The following ADAP1 variants were observed in gnomAD, a reference collection of about 807,000 sequenced individuals.
The protein encoded by ADAP1 is ArfGAP with dual PH domains 1.
Under a neutral mutation model 54.9 loss-of-function variants are expected in ADAP1, and 31 were observed. The ratio of observed to expected loss-of-function variants is 0.56; its 90% CI spans 0.42 to 0.76. The LOEUF is 0.76. ADAP1 is among the 30% of genes least tolerant of loss of function. The pLI, the probability that ADAP1 is intolerant of heterozygous loss-of-function variation, is 0.00. For missense variants in ADAP1, 535 were observed against 512.4 expected, an observed-to-expected ratio of 1.04 and a Z score of -0.42; for synonymous variants, 313 against 202.6, an observed-to-expected ratio of 1.55 and a Z score of -4.63.
intron 6 of ADAP1, among the ~76,000 whole-genome samples, chr7:902,594 C>T (rs1844876612): frequency 2.0e-5 from 3 of 150,988 alleles, no homozygotes; most frequent in Admixed American, 2.0e-4. Context: ...AAGAAATTTC[C>T]CAGAAAGTAG....
intron 7 of ADAP1, 140 bp downstream of exon 7, chr7:900,393 A>C: frequency 9.9e-7 from 1 of 1,009,312 alleles, no homozygotes; most frequent in East Asian, 2.6e-5. Flanking sequence ...GGCTGCAGGC[A>C]CGTCAGGGTG....
chr7:905,882 GAGAAAGGA>G (rs1845246501), intron 4 of ADAP1, among the ~76,000 whole-genome samples: 12 of 16,262 alleles, frequency 7.4e-4, no homozygotes, highest in East Asian at 3.4e-3. Flanking sequence ...AGGGAGAAAG[GAGAAAGGA>G]GAAAGGAGAA....
intron 6 of ADAP1, chr7:901,320 ACCTGCGC>A (rs1844801575): frequency 3.8e-6 from 1 of 263,406 alleles, no homozygotes; most frequent in Non-Finnish European, 7.6e-6. Flanking sequence ...TGACATTATA[ACCTGCGC>A]CCTGGGCCTC....
intron 4 of ADAP1, among the ~76,000 whole-genome samples, chr7:912,601 C>A (rs1845769374): frequency 6.6e-6 from 1 of 152,242 alleles, no homozygotes; most frequent in African/African-American, 2.4e-5. Context: ...CCTTTGTCGT[C>A]AAAGAGCATC....
chr7:930,105 A>C (rs1846520161), intron 2 of ADAP1, among the ~76,000 whole-genome samples: 1 of 143,970 alleles, frequency 6.9e-6, no homozygotes. Flanking sequence ...CTGTCTCAAA[A>C]AAAAAAAAAA....
intron 3 of ADAP1, among the ~76,000 whole-genome samples, chr7:921,771 A>C (rs1846200674): frequency 6.6e-6 from 1 of 152,224 alleles, no homozygotes; most frequent in South Asian, 2.1e-4. Flanking sequence ...AGGGTCACAC[A>C]GCGGCCTCTC....
At position 905,204 on chromosome 7, in the gene ADAP1, A is replaced by T. The variant is rs748121054; in HGVS notation, c.389-32T>A. The T allele has an allele frequency of 5.1e-6, 8 of 1,554,812 alleles. No individual in the cohort carries two copies. In the African/African-American group the frequency reaches 9.9e-5, roughly 19 times the overall value. On this transcript the variant is annotated intron_variant, in intron 4 of 10. Transcript: ENST00000265846. ...GGGAAAGGGGACACGAGTCGGTGAC[A>T]GTGGATGGGGGGGAGGAAACAAAAG...
chr7:913,892 A>G (rs1845826821), intron 4 of ADAP1, among the ~76,000 whole-genome samples: 1 of 152,170 alleles, frequency 6.6e-6, no homozygotes, highest in Non-Finnish European at 1.5e-5. Context: ...CTGAGACCGC[A>G]CCATTGCACC....
intron 5 of ADAP1, 151 bp from the exon 6 acceptor site, chr7:904,423 G>T: frequency 2.1e-6 from 2 of 964,548 alleles, no homozygotes; most frequent in Non-Finnish European, 2.9e-6. Flanking sequence ...TTGGCCTCCC[G>T]GTCTGTAAGC....
At chr7:904,463 T>G (rs1016649652) in intron 5 of ADAP1, among the ~76,000 whole-genome samples, 191 bp from the exon 6 acceptor site, 2 of 151,802 alleles carry the variant, frequency 1.3e-5, no homozygotes, top group Non-Finnish European at 2.9e-5. Context: ...CTCCCAGGAG[T>G]GATGGGGACC....
intron 10 of ADAP1, 34 bp from the exon 11 acceptor site, chr7:898,983 G>T (rs201298908): frequency 2.5e-6 from 4 of 1,610,270 alleles, no homozygotes; most frequent in African/African-American, 2.7e-5. Flanking sequence ...TTGTCACAGC[G>T]GCGGGGAGCT....
intron 1 of ADAP1, among the ~76,000 whole-genome samples, chr7:940,807 G>C (rs1472804834): frequency 6.6e-6 from 1 of 152,152 alleles, no homozygotes; most frequent in Non-Finnish European, 1.5e-5. Flanking sequence ...GTAATGCAAG[G>C]TTGGTTTAAC....
intron 6 of ADAP1, among the ~76,000 whole-genome samples, chr7:902,082 C>T (rs1317802750): frequency 1.3e-5 from 2 of 152,016 alleles, no homozygotes; most frequent in Non-Finnish European, 2.9e-5. Flanking sequence ...AGCGTCTGCC[C>T]TGGGCGGGGG....
chr7:913,826 T>A (rs181898329), intron 4 of ADAP1, among the ~76,000 whole-genome samples: 4 of 152,126 alleles, frequency 2.6e-5, no homozygotes, highest in Admixed American at 2.6e-4. Context: ...TCCCAGCTAC[T>A]CAGGATGCTG....
rs1391857343 is a variant in ADAP1 at position 946,072 on chromosome 7, G to C, written c.82+8324C>G. On this transcript the variant is annotated intron_variant, in intron 1 of 10. Coordinates refer to ENST00000265846, the MANE Select transcript of ADAP1 (RefSeq NM_006869.4). This position sits in a 1 kb window ranked among gnomAD's most constrained non-coding sequence, Gnocchi z 4.3. ...AGCCGAGGTGGGAGGGTGCCCTTGT[G>C]GGAGGGGCTCCGGTGCCCACCACCC... Among the ~76,000 whole-genome samples, 1 of 152,224 alleles carries C rather than the reference G, an allele frequency of 6.6e-6. No individual in the cohort carries two copies. The highest frequency in any genetic ancestry group is 2.4e-5 in the African/African-American group (1 of 41,456).
At chr7:955,013 C>T (rs554833226), upstream of ADAP1, among the ~76,000 whole-genome samples, 83 of 152,266 alleles carry the variant, frequency 5.5e-4, no homozygotes, top group African/African-American at 2.0e-3. Flanking sequence ...TGGGGGTGCT[C>T]GTGGAAGGCA....
At chr7:943,853 GGAGAGAGGAGGAGGAAGA>G (rs1289111517) in intron 1 of ADAP1, among the ~76,000 whole-genome samples, 5 of 149,256 alleles carry the variant, frequency 3.3e-5, no homozygotes, top group Non-Finnish European at 7.4e-5. Flanking sequence ...GAGGAGGAAG[GGAGAGAGGAGGAGGAAGA>G]GAGAGAAGAG....
At chr7:912,268 C>A (rs564608650) in intron 4 of ADAP1, among the ~76,000 whole-genome samples, 1 of 152,230 alleles carries the variant, frequency 6.6e-6, no homozygotes, top group South Asian at 2.1e-4. Flanking sequence ...CAGGGCCTGG[C>A]CCTCAGGACA....
intron 1 of ADAP1, among the ~76,000 whole-genome samples, chr7:939,935 A>G (rs1450992306): frequency 6.6e-6 from 1 of 152,144 alleles, no homozygotes; most frequent in African/African-American, 2.4e-5. Flanking sequence ...GATAGCTTAC[A>G]GCCATTACTA....
Sources: allele counts gnomAD v4.1 joint callset (sites outside exome capture counted in the v4.1 genomes callset), GRCh38; gene constraint gnomAD v4.1.1; non-coding constraint Gnocchi (gnomAD v3.1); transcripts MANE v1.5; gene names NCBI Gene and HGNC (gene_info 2026-07-23, HGNC 2026-07-21).